Variants in ROBO1 observed in about 807,000 individuals in gnomAD.
ROBO1 encodes roundabout guidance receptor 1, also known as roundabout homolog 1.
ROBO1 carries 149 observed loss-of-function variants against 195.9 expected under a neutral mutation model. The ratio of observed to expected loss-of-function variants is 0.76; its 90% confidence interval spans 0.67 to 0.87. ROBO1 has a LOEUF of 0.87. ROBO1 is among the 40% of genes least tolerant of loss of function. The pLI, the probability that ROBO1 is intolerant of heterozygous loss-of-function variation, is 0.00. For missense variants in ROBO1, 1,933 were observed against 2,068.3 expected (o/e 0.93, Z 1.27); for synonymous variants, 816 against 733.2 (o/e 1.11, Z -1.82).
intron 3 of ROBO1, among the ~76,000 whole-genome samples, chr3:79,059,599 T>C (rs989181729): frequency 3.3e-4 from 50 of 152,026 alleles, no homozygotes; most frequent in Non-Finnish European, 5.9e-5. Flanking sequence ...TTCATGGACA[T>C]TCATTAGTTC....
intron 4 of ROBO1, among the ~76,000 whole-genome samples, chr3:78,908,217 C>A (rs756786459): frequency 1.3e-4 from 20 of 152,002 alleles, no homozygotes; most frequent in African/African-American, 3.6e-4. Context: ...CATCCTGCAA[C>A]GATTCCCAGA....
At chr3:79,496,188 A>G (rs189333687) in intron 2 of ROBO1, among the ~76,000 whole-genome samples, 4 of 130,464 alleles carry the variant, frequency 3.1e-5, no homozygotes, top group Admixed American at 8.1e-5. Flanking sequence ...ACTCCAAACT[A>G]GGTGACAGAG....
At chr3:79,724,848 G>C (rs1576286038) in intron 1 of ROBO1, among the ~76,000 whole-genome samples, 1 of 152,172 alleles carries the variant, frequency 6.6e-6, no homozygotes, top group East Asian at 1.9e-4. Flanking sequence ...ACACTTTTTA[G>C]ACTGTATTTA....
intron 4 of ROBO1, among the ~76,000 whole-genome samples, chr3:78,778,116 G>A (rs1427580370): frequency 6.6e-6 from 1 of 152,070 alleles, no homozygotes; most frequent in African/African-American, 2.4e-5. Flanking sequence ...AATTGGTTCC[G>A]TTTATGTGAT....
At chr3:79,661,965 C>G (rs1946342490) in intron 1 of ROBO1, among the ~76,000 whole-genome samples, 1 of 151,654 alleles carries the variant, frequency 6.6e-6, no homozygotes, top group Non-Finnish European at 1.5e-5. Flanking sequence ...GTGTAATAAT[C>G]CTCTTTCTCT....
chr3:78,717,829 A>G lies in ROBO1; in HGVS notation c.712T>C (p.Tyr238His). ...ACCATATTGGTACCAACACAAACAT[A>G]TTTGCCAGCGTCACTTTTACGGGTG... is the stretch of plus-strand genomic sequence containing the variant. ...TYTRKSDAGK[Y>H]VCVGTNMVGE... is the part of the protein sequence containing the mutation. Residue 238 changes from tyrosine (Y) to histidine (H), a missense_variant, in exon 6 of 31, where the codon TAT becomes CAT. Around this residue, in one of 3 missense-constraint regions of ROBO1, gnomAD observed 1,737 missense variants for 1,882.5 expected, o/e 0.92. Coordinates refer to ENST00000464233, the MANE Select transcript of ROBO1 (RefSeq NM_002941.4). The G allele has an allele frequency of 6.2e-7, 1 of 1,613,620 alleles. No individual in the cohort carries two copies. The highest frequency in any genetic ancestry group is 1.1e-5 in the South Asian group (1 of 91,052).
chr3:79,549,180 G>A (rs892660835), intron 2 of ROBO1, among the ~76,000 whole-genome samples: 2 of 152,162 alleles, frequency 1.3e-5, no homozygotes, highest in South Asian at 2.1e-4. Context: ...GCATTAAATT[G>A]TTAATTCACT....
At chr3:78,815,303 C>T (rs373350294) in intron 4 of ROBO1, among the ~76,000 whole-genome samples, 4 of 152,134 alleles carry the variant, frequency 2.6e-5, no homozygotes, top group South Asian at 2.1e-4. Flanking sequence ...ATCTAGGCTT[C>T]TTATGCCAAA....
At chr3:78,851,112 C>G (rs1455943670) in intron 4 of ROBO1, among the ~76,000 whole-genome samples, 1 of 152,176 alleles carries the variant, frequency 6.6e-6, no homozygotes, top group Middle Eastern at 3.4e-3. Flanking sequence ...CCGGTCACAC[C>G]TATCATTTTC....
At chr3:79,420,097 T>C (rs1451304544) in intron 2 of ROBO1, among the ~76,000 whole-genome samples, 1 of 152,142 alleles carries the variant, frequency 6.6e-6, no homozygotes, top group Non-Finnish European at 1.5e-5. Flanking sequence ...TCACATATAA[T>C]TTTATTTAAT....
chr3:79,619,139 T>C (rs12494962), intron 1 of ROBO1, among the ~76,000 whole-genome samples: 108 of 10,520 alleles, frequency 0.01, no homozygotes, highest in African/African-American at 0.051. Flanking sequence ...CCACATTCCA[T>C]TGGTGTCTGG....
chr3:79,360,448 C>T lies in ROBO1; in HGVS notation c.88+229376G>A, dbSNP rs559273280. Among the ~76,000 whole-genome samples, 212 of 151,796 alleles carry T rather than the reference C, an allele frequency of 1.4e-3. 1 individual carries two copies. Among genetic ancestry groups the T allele is most frequent in the African/African-American group, 4.8e-3 (201 of 41,456 alleles). Reference sequence around the variant, plus strand: ...ATTTTTTCTTTGTTTTCTCCACCTTCTTTTTTAATAAAAAAAGAAAATAAA... The same window carrying T: ...ATTTTTTCTTTGTTTTCTCCACCTTTTTTTTTAATAAAAAAAGAAAATAAA... On this transcript the variant is annotated intron_variant, in intron 2 of 30. Transcript: ENST00000464233.
At chr3:79,355,704 T>G (rs1194475931) in intron 2 of ROBO1, among the ~76,000 whole-genome samples, 1 of 152,188 alleles carries the variant, frequency 6.6e-6, no homozygotes, top group Non-Finnish European at 1.5e-5. Context: ...AATAATGCCC[T>G]CCAGGTTCAT....
At chr3:78,792,838 G>T (rs935175187) in intron 4 of ROBO1, among the ~76,000 whole-genome samples, 6 of 152,118 alleles carry the variant, frequency 3.9e-5, no homozygotes, top group African/African-American at 1.4e-4. Flanking sequence ...AGTGGCTCAT[G>T]CCTGTAATCA....
At chr3:79,419,325 G>A (rs894299774) in intron 2 of ROBO1, among the ~76,000 whole-genome samples, 15 of 152,210 alleles carry the variant, frequency 9.9e-5, no homozygotes, top group African/African-American at 3.6e-4. Context: ...CTTATACACT[G>A]GAGTCACTCC....
intron 2 of ROBO1, among the ~76,000 whole-genome samples, chr3:79,236,800 C>T (rs2108867166): frequency 6.6e-6 from 1 of 152,168 alleles, no homozygotes; most frequent in African/African-American, 2.4e-5. Flanking sequence ...AGATAGTGAG[C>T]ATACAGTTTA....
At chr3:79,458,960 TA>T (rs1007657686) in intron 2 of ROBO1, among the ~76,000 whole-genome samples, 23 of 152,054 alleles carry the variant, frequency 1.5e-4, no homozygotes, top group African/African-American at 5.6e-4. Context: ...AAATTTAAAC[TA>T]AAAAATATTT....
At chr3:79,074,280 T>C (rs1576642721) in intron 3 of ROBO1, among the ~76,000 whole-genome samples, 1 of 152,002 alleles carries the variant, frequency 6.6e-6, no homozygotes, top group East Asian at 1.9e-4. Context: ...TGTTTCAGGG[T>C]ATTCTGGTTC....
At chr3:79,460,024 A>T (rs2039754218) in intron 2 of ROBO1, among the ~76,000 whole-genome samples, 1 of 152,162 alleles carries the variant, frequency 6.6e-6, no homozygotes, top group African/African-American at 2.4e-5. Flanking sequence ...GTATTACAGA[A>T]AAAATAAAAC....
Sources: allele counts gnomAD v4.1 joint callset (sites outside exome capture counted in the v4.1 genomes callset), GRCh38; gene constraint gnomAD v4.1.1; regional missense constraint gnomAD v4.1.1; transcripts MANE v1.5; gene names NCBI Gene and HGNC (gene_info 2026-07-23, HGNC 2026-07-21).